Variants in ARHGAP26 observed in about 807,000 individuals in gnomAD.
ARHGAP26 encodes the protein rho GTPase-activating protein 26.
Under a neutral mutation model 104.8 loss-of-function variants are expected in ARHGAP26, and 38 were observed. The observed-to-expected ratio is 0.36, with a 90% CI of 0.28 to 0.48. ARHGAP26 has a LOEUF of 0.48. Ranked by LOEUF, ARHGAP26 falls within the 20% of genes least tolerant of loss-of-function variation. The pLI, the probability that ARHGAP26 is intolerant of heterozygous loss-of-function variation, is 0.99. For synonymous variants in ARHGAP26, 341 were observed against 340.0 expected (o/e 1.00, Z -0.03); for missense variants, 704 against 947.9 (o/e 0.74, Z 3.38).
At chr5:143,161,008 T>G (rs1406124841) in intron 20 of ARHGAP26, among the ~76,000 whole-genome samples, 1 of 145,630 alleles carries the variant, frequency 6.9e-6, no homozygotes, top group African/African-American at 2.6e-5. Flanking sequence ...TTTCAGATTT[T>G]TTTTTTTTTT....
chr5:142,881,325 A>G (rs1483763286), intron 4 of ARHGAP26, among the ~76,000 whole-genome samples: 2 of 152,132 alleles, frequency 1.3e-5, no homozygotes, highest in Non-Finnish European at 2.9e-5. Context: ...GAGGGTTACC[A>G]TGGTTACCAA....
intron 19 of ARHGAP26, among the ~76,000 whole-genome samples, chr5:143,143,387 C>G (rs533436764): frequency 2.5e-4 from 38 of 152,260 alleles, no homozygotes; most frequent in African/African-American, 8.7e-4. Context: ...AAAGTGAAGT[C>G]GCTTAGCTCC....
intron 17 of ARHGAP26, among the ~76,000 whole-genome samples, chr5:143,111,828 A>C (rs762971641): frequency 6.6e-6 from 1 of 152,188 alleles, no homozygotes; most frequent in African/African-American, 2.4e-5. Flanking sequence ...CGCCTAGTGC[A>C]TTATATGCTG....
At chr5:142,795,719 G>C (rs950115681) in intron 1 of ARHGAP26, among the ~76,000 whole-genome samples, 1 of 152,178 alleles carries the variant, frequency 6.6e-6, no homozygotes, top group Non-Finnish European at 1.5e-5. Flanking sequence ...AGTTTGAAAA[G>C]AGAGAATGTT....
intron 12 of ARHGAP26, among the ~76,000 whole-genome samples, chr5:143,015,380 A>G (rs1779443318): frequency 6.6e-6 from 1 of 152,208 alleles, no homozygotes; most frequent in African/African-American, 2.4e-5. Context: ...AGGCTTGAGA[A>G]TAGATGAGTT....
chr5:143,041,846 T>C lies in ARHGAP26; in HGVS notation c.1241T>C (p.Val414Ala). 1 of 1,606,008 alleles carries C rather than the reference T, an allele frequency of 6.2e-7. No homozygotes were observed. The highest frequency in any genetic ancestry group is 1.7e-5 in the Admixed American group (1 of 59,148). The change falls in exon 14 of 23, where the codon GTG becomes GCG. Residue 414 changes from valine to alanine, a missense_variant. By Grantham distance (64) the Val-to-Ala change is moderately conservative. This residue lies in a region of ARHGAP26 where 287 missense variants were observed against 438.8 expected (regional missense o/e 0.65). Coordinates refer to ENST00000645722, the MANE Select transcript of ARHGAP26 (RefSeq NM_001135608.3). Reference protein sequence around the residue: ...GINEQGLYRIVGVNSRVQKLL... With the variant: ...GINEQGLYRIAGVNSRVQKLL... ...AACGAGCAAGGGCTGTATCGAATTG[T>C]GGGTGTCAACTCCAGAGTGCAGAAG... is the stretch of plus-strand genomic sequence containing the variant.
chr5:142,846,017 C>G (rs1299724557), intron 1 of ARHGAP26, among the ~76,000 whole-genome samples: 1 of 152,088 alleles, frequency 6.6e-6, no homozygotes, highest in African/African-American at 2.4e-5. Context: ...TTGTTATGGT[C>G]AAAGAGGTTT....
chr5:143,217,657 C>A lies in ARHGAP26; in HGVS notation c.2191+3569C>A, dbSNP rs556117941. Among the ~76,000 whole-genome samples the A allele has an allele frequency of 5.3e-5, 8 of 152,322 alleles. 1 individual carries two copies. Among genetic ancestry groups the A allele is most frequent in the Non-Finnish European group, 1.0e-4 (7 of 68,020 alleles). ...GAGAACATCCTCATGGGGGAGCCCC[C>A]AAGCTGCCTAGGAAATGGGTTAACA... On this transcript the variant is annotated intron_variant, in intron 22 of 22. Coordinates refer to ENST00000645722, the MANE Select transcript of ARHGAP26 (RefSeq NM_001135608.3).
intron 1 of ARHGAP26, among the ~76,000 whole-genome samples, chr5:142,802,245 T>C (rs969327723): frequency 2.6e-5 from 4 of 152,258 alleles, no homozygotes; most frequent in Non-Finnish European, 4.4e-5. Context: ...TTTCATTTTA[T>C]TCTGAGCATT....
intron 1 of ARHGAP26, among the ~76,000 whole-genome samples, chr5:142,797,254 A>G (rs1232297521): frequency 6.6e-6 from 1 of 152,230 alleles, no homozygotes; most frequent in African/African-American, 2.4e-5. Flanking sequence ...GGGAAAAGCT[A>G]GGACACTTAA....
At chr5:142,777,395 C>T (rs1292235831) in intron 1 of ARHGAP26, among the ~76,000 whole-genome samples, 2 of 152,136 alleles carry the variant, frequency 1.3e-5, no homozygotes, top group Admixed American at 6.5e-5. Flanking sequence ...AAATGAGAAC[C>T]GGCCAAGGAA....
At chr5:143,057,837 T>C (rs776663895) in intron 17 of ARHGAP26, 90 bp downstream of exon 17, 1 of 1,060,576 alleles carries the variant, frequency 9.4e-7, no homozygotes, top group South Asian at 1.3e-5. Context: ...CTTTTGTTTC[T>C]CTCTCCCACT....
chr5:142,813,481 T>C (rs745607701), intron 1 of ARHGAP26, among the ~76,000 whole-genome samples: 1 of 152,100 alleles, frequency 6.6e-6, no homozygotes, highest in African/African-American at 2.4e-5. Flanking sequence ...ACTTGGACAG[T>C]GTGTGTATTA....
At chr5:142,899,312 G>T (rs762701640) in intron 6 of ARHGAP26, among the ~76,000 whole-genome samples, 27 of 152,174 alleles carry the variant, frequency 1.8e-4, no homozygotes, top group South Asian at 1.0e-3. Context: ...TTCTATGAAT[G>T]GTGACAATCC....
intron 1 of ARHGAP26, among the ~76,000 whole-genome samples, chr5:142,862,293 T>C (rs577641459): frequency 2.6e-5 from 4 of 152,332 alleles, no homozygotes; most frequent in East Asian, 1.9e-4. Context: ...GTAGAACTTA[T>C]AGACGTTGAG....
At chr5:142,847,401 G>A (rs1464133746) in intron 1 of ARHGAP26, among the ~76,000 whole-genome samples, 4 of 151,364 alleles carry the variant, frequency 2.6e-5, no homozygotes, top group African/African-American at 7.3e-5. Flanking sequence ...CTTGTTGCCC[G>A]GGCTGGAGTG....
At chr5:143,094,175 CCTT>C (rs1216742461) in intron 17 of ARHGAP26, among the ~76,000 whole-genome samples, 1 of 152,232 alleles carries the variant, frequency 6.6e-6, no homozygotes, top group Non-Finnish European at 1.5e-5. Flanking sequence ...GTTTCTTTCT[CCTT>C]AGTATGTCCT....
chr5:142,934,085 A>T (rs981707055), intron 11 of ARHGAP26, among the ~76,000 whole-genome samples: 2 of 152,106 alleles, frequency 1.3e-5, no homozygotes, highest in African/African-American at 4.8e-5. Context: ...AAAAAACCCA[A>T]ACCCACTACT....
intron 1 of ARHGAP26, among the ~76,000 whole-genome samples, chr5:142,813,554 GTTCTCATAA>G (rs1392220444): frequency 1.3e-5 from 2 of 152,206 alleles, no homozygotes; most frequent in Non-Finnish European, 2.9e-5. Flanking sequence ...AAAACTTGGT[GTTCTCATAA>G]TTCTGGAGGC....
Sources: gnomAD v4.1 joint callset for allele counts (sites outside exome capture counted in the v4.1 genomes callset) on GRCh38, gnomAD v4.1.1 for gene constraint, gnomAD v4.1.1 regional missense constraint, MANE v1.5 for transcripts, NCBI Gene and HGNC (gene_info 2026-07-23, HGNC 2026-07-21) for gene names.